Variants in RNF213 observed in about 807,000 individuals in gnomAD.
RNF213 encodes ring finger protein 213, also known as E3 ubiquitin-protein ligase RNF213.
A neutral mutation model predicts 514.4 loss-of-function variants in RNF213; 341 were observed. That is an observed-to-expected ratio of 0.66 (90% CI 0.61 to 0.73). The LOEUF (loss-of-function observed/expected upper bound fraction) is 0.73, where lower values mean the gene tolerates loss of function less well. Ranked by LOEUF, RNF213 falls within the 30% of genes least tolerant of loss-of-function variation. The pLI, the probability that RNF213 is intolerant of heterozygous loss-of-function variation, is 0.00. For missense variants in RNF213, 5,767 were observed against 6,615.6 expected (o/e 0.87, Z 4.45); for synonymous variants, 2,655 against 2,658.2 (o/e 1.00, Z 0.04).
rs201824278 is a variant in RNF213 at position 80,393,869 on chromosome 17, CT to C, written c.*382del. 0.015 allele frequency: 3,291 copies of C among 212,362 alleles called. 14 individuals are homozygous for C. The highest frequency in any genetic ancestry group is 0.041 in the East Asian group (350 of 8,444). The allele number at this position is 212,362 out of a possible 1,614,324, so 13.2% of individuals were successfully genotyped here. A position where few individuals can be genotyped will look rare whatever the true frequency, so the allele number is the denominator to read the frequency against. Reference sequence around the variant, plus strand: ...TTCGCCTCTGGCACTGCCCACCCCTCTTTTTTTTTTTCTTCTAATTCTGTAC... The same window carrying C: ...TTCGCCTCTGGCACTGCCCACCCCTCTTTTTTTTTTCTTCTAATTCTGTAC... On this transcript the variant is annotated 3_prime_UTR_variant, in exon 68 of 68. Transcript: ENST00000582970.
At chr17:80,356,605 G>A (rs1004935202) in intron 36 of RNF213, among the ~76,000 whole-genome samples, 1 of 152,190 alleles carries the variant, frequency 6.6e-6, no homozygotes, top group African/African-American at 2.4e-5. Context: ...TTTGTGTCCC[G>A]AACTCTGCCT....
intron 2 of RNF213, among the ~76,000 whole-genome samples, chr17:80,269,705 T>C (rs1452820808): frequency 2.0e-5 from 3 of 152,176 alleles, no homozygotes; most frequent in East Asian, 1.9e-4. Flanking sequence ...ATCTATCTTA[T>C]GTATCTATCC....
At chr17:80,312,673 T>C (rs2143666942) in intron 14 of RNF213, among the ~76,000 whole-genome samples, 1 of 152,336 alleles carries the variant, frequency 6.6e-6, no homozygotes, top group Middle Eastern at 3.4e-3. Context: ...AGGGCCCCTC[T>C]CTGGGGCGTG....
At chr17:80,291,871 A>G (rs2044742775) in intron 8 of RNF213, 44 bp downstream of exon 8, 5 of 1,605,308 alleles carry the variant, frequency 3.1e-6, no homozygotes, top group Non-Finnish European at 4.3e-6. Flanking sequence ...TCCGGAGTGC[A>G]GGTGCCAATC....
At chr17:80,376,991 C>T (rs1353016760) in intron 53 of RNF213, 28 bp downstream of exon 53, 3 of 1,526,378 alleles carry the variant, frequency 2.0e-6, no homozygotes, top group East Asian at 2.2e-5. Flanking sequence ...GATGACCCCA[C>T]ACTCCTTTGA....
intron 55 of RNF213, among the ~76,000 whole-genome samples, chr17:80,380,113 T>G (rs1347769404): frequency 6.6e-6 from 1 of 152,202 alleles, no homozygotes; most frequent in Non-Finnish European, 1.5e-5. Flanking sequence ...GCCAGCAATC[T>G]TAGCTTTCTC....
At chr17:80,319,652 A>G in intron 17 of RNF213, 1 of 1,496,846 alleles carries the variant, frequency 6.7e-7, no homozygotes, top group Non-Finnish European at 8.9e-7. Context: ...GATTGTTAAC[A>G]CTTGCTCAGT....
chr17:80,369,886 C>G lies in RNF213; in HGVS notation c.12425+19C>G. The G allele has an allele frequency of 2.6e-6, 4 of 1,534,536 alleles. No individual in the cohort carries two copies. Among genetic ancestry groups the G allele is most frequent in the Non-Finnish European group, 3.6e-6 (4 of 1,108,150 alleles). Reference sequence around the variant, plus strand: ...AGTACAGGTAAGAACAACATGGAGACTTGCTTCTGGAAAGCCCTGGCTTTT... The same window carrying G: ...AGTACAGGTAAGAACAACATGGAGAGTTGCTTCTGGAAAGCCCTGGCTTTT... On this transcript the variant is annotated intron_variant, in intron 46 of 67. Coordinates refer to ENST00000582970, the MANE Select transcript of RNF213 (RefSeq NM_001256071.3).
At chr17:80,324,168 C>G (rs1296402397) in intron 17 of RNF213, among the ~76,000 whole-genome samples, 1 of 152,200 alleles carries the variant, frequency 6.6e-6, no homozygotes, top group African/African-American at 2.4e-5. Context: ...TTGTCTTGTT[C>G]TGATCTTAAG....
Position 80,343,332 on chromosome 17 carries a change from G to A in RNF213, c.6183+7G>A, listed in dbSNP as rs954773510. The A allele has an allele frequency of 6.2e-7, 1 of 1,609,928 alleles. No individual in the cohort carries two copies. Among genetic ancestry groups the A allele is most frequent in the African/African-American group, 1.3e-5 (1 of 74,884 alleles). On this transcript the variant is annotated splice_region_variant and intron_variant, in intron 27 of 67. Transcript: ENST00000582970. The surrounding 1 kb of genome is among the most constrained non-coding windows in gnomAD (Gnocchi z 4.3). ...CCTGGACGTGACCTCCTCAGTAAGT[G>A]CCCTCCAGCGTCAGCCGATGGCCAC...
At position 80,394,378 on chromosome 17, in the gene RNF213, A is replaced by G. The variant is rs551329430; in HGVS notation, c.*880A>G. On this transcript the variant is annotated 3_prime_UTR_variant, in exon 68 of 68. Transcript: ENST00000582970. ...TGTGCTCTCGCATGTATGAATATCTAGTCCTTTCTGTGGTTCTCAGCCAAG... is the reference window on the plus strand; with the variant it reads ...TGTGCTCTCGCATGTATGAATATCTGGTCCTTTCTGTGGTTCTCAGCCAAG... 6.6e-6 allele frequency: 1 copy of G among 152,302 alleles called. No individual in the cohort carries two copies. The highest frequency in any genetic ancestry group is 6.5e-5 in the Admixed American group (1 of 15,296). The allele number at this position is 152,302 out of a possible 1,614,324, so 9.4% of individuals were successfully genotyped here.
intron 2 of RNF213, among the ~76,000 whole-genome samples, chr17:80,270,415 A>T (rs766655163): frequency 1.1e-4 from 17 of 152,174 alleles, no homozygotes; most frequent in Non-Finnish European, 2.2e-4. Flanking sequence ...CACATTTACA[A>T]TGCAAATCTC....
chr17:80,309,592 CT>C (rs2045494707), intron 14 of RNF213, among the ~76,000 whole-genome samples: 1 of 152,152 alleles, frequency 6.6e-6, no homozygotes, highest in Admixed American at 6.6e-5. Flanking sequence ...TCTTTCCCAC[CT>C]TCTTGACATT....
At chr17:80,359,375 A>G (rs2144339690) in intron 37 of RNF213, among the ~76,000 whole-genome samples, 1 of 151,812 alleles carries the variant, frequency 6.6e-6, no homozygotes, top group African/African-American at 2.4e-5. Flanking sequence ...AAAATTTAAA[A>G]ATTAGGCATA....
At chr17:80,298,053 A>C (rs74003721) in intron 10 of RNF213, among the ~76,000 whole-genome samples, 2,866 of 152,268 alleles carry the variant, frequency 0.019, 85 homozygotes, top group African/African-American at 0.066. Context: ...TGCGTTGACT[A>C]CTTAGCCAGG....
intron 5 of RNF213, 103 bp from the exon 6 acceptor site, chr17:80,289,556 C>A: frequency 7.6e-7 from 1 of 1,324,302 alleles, no homozygotes; most frequent in South Asian, 1.3e-5. Context: ...CAGTACTGCA[C>A]TCCAGCCTTG....
chr17:80,271,581 A>C (rs1412400292), intron 2 of RNF213, among the ~76,000 whole-genome samples: 1 of 152,230 alleles, frequency 6.6e-6, no homozygotes, highest in South Asian at 2.1e-4. Flanking sequence ...AGTGTGTGTC[A>C]GGGAGAGGTG....
intron 2 of RNF213, among the ~76,000 whole-genome samples, chr17:80,271,474 A>G (rs2043821118): frequency 6.6e-6 from 1 of 152,148 alleles, no homozygotes; most frequent in South Asian, 2.1e-4. Flanking sequence ...ACAGGGGCGC[A>G]GCTGGGACTG....
In RNF213 at chr17:80,353,833, G is replaced by A; in HGVS notation, c.10578+167G>A. The A allele has an allele frequency of 8.3e-7, 1 of 1,208,520 alleles. No individual in the cohort carries two copies. The highest frequency in any genetic ancestry group is 2.5e-5 in the East Asian group (1 of 40,814). 74.9% of individuals were successfully genotyped at this position (1,208,520 alleles called of 1,614,324 possible). A position where few individuals can be genotyped will look rare whatever the true frequency, so the allele number is the denominator to read the frequency against. On this transcript the variant is annotated intron_variant, in intron 34 of 67. Transcript: ENST00000582970. This position sits in a 1 kb window ranked among gnomAD's most constrained non-coding sequence, Gnocchi z 5.0. ...TGACGGTCTTGTTGCTGGTTACTGG[G>A]GGTCAAGGGCATCTGCACCGGCAGT...
Sources: gnomAD v4.1 joint callset for allele counts (sites outside exome capture counted in the v4.1 genomes callset) on GRCh38, gnomAD v4.1.1 for gene constraint, Gnocchi (gnomAD v3.1) non-coding constraint, MANE v1.5 for transcripts, NCBI Gene and HGNC (gene_info 2026-07-23, HGNC 2026-07-21) for gene names.